ST18: variants seen among roughly 807,000 people sequenced by gnomAD.
The protein encoded by ST18 is ST18 C2H2C-type zinc finger transcription factor, also known as suppression of tumorigenicity 18 protein.
A neutral mutation model predicts 110.0 loss-of-function variants in ST18; 50 were observed. The observed-to-expected ratio is 0.45, with a 90% CI of 0.36 to 0.58. The LOEUF (loss-of-function observed/expected upper bound fraction) is 0.58. Among genes scored for constraint, ST18 ranks in the 20% least tolerant of loss-of-function variants. The pLI, the probability that ST18 is intolerant of heterozygous loss-of-function variation, is 0.00. For synonymous variants in ST18, 461 were observed against 452.4 expected, an observed-to-expected ratio of 1.02 and a Z score of -0.24; for missense variants, 1,306 against 1,280.1, an observed-to-expected ratio of 1.02 and a Z score of -0.31.
chr8:52,150,511 T>G (rs1360069552), intron 15 of ST18, among the ~76,000 whole-genome samples: 2 of 152,204 alleles, frequency 1.3e-5, no homozygotes, highest in East Asian at 3.8e-4. Context: ...AATATTAAAC[T>G]AATATAAAAG....
At chr8:52,171,569 C>CT (rs1452218800) in intron 10 of ST18, 2 of 648,662 alleles carry the variant, frequency 3.1e-6, no homozygotes, top group Non-Finnish European at 5.6e-6. Flanking sequence ...TTCAATGAAC[C>CT]TTTTTTCATG....
chr8:52,170,654 G>A (rs575297628), intron 10 of ST18, among the ~76,000 whole-genome samples: 4 of 152,096 alleles, frequency 2.6e-5, no homozygotes, highest in African/African-American at 9.6e-5. Flanking sequence ...AGTGCACAGA[G>A]CTAGATACAG....
At chr8:52,201,659 A>G (rs1047648677) in intron 8 of ST18, among the ~76,000 whole-genome samples, 2 of 152,084 alleles carry the variant, frequency 1.3e-5, no homozygotes, top group African/African-American at 2.4e-5. Flanking sequence ...CTTCGTCCCA[A>G]TCTACACCAT....
At chr8:52,288,093 C>T (rs2095497461) in intron 2 of ST18, among the ~76,000 whole-genome samples, 2 of 152,154 alleles carry the variant, frequency 1.3e-5, no homozygotes, top group African/African-American at 4.8e-5. Context: ...AGAACCGAAG[C>T]TAAATGCCTA....
At chr8:52,402,995 C>T (rs999329044) in intron 2 of ST18, among the ~76,000 whole-genome samples, 3 of 152,188 alleles carry the variant, frequency 2.0e-5, no homozygotes, top group African/African-American at 4.8e-5. Flanking sequence ...AACTGCTCCC[C>T]TAGACCAAAG....
At chr8:52,232,705 A>G (rs2091760718) in intron 2 of ST18, among the ~76,000 whole-genome samples, 1 of 152,140 alleles carries the variant, frequency 6.6e-6, no homozygotes, top group Admixed American at 6.5e-5. Context: ...AAGCTTTTAC[A>G]AGGGTATTTT....
intron 22 of ST18, among the ~76,000 whole-genome samples, chr8:52,130,139 G>GAAAGAAAGAA (rs2048884184): frequency 2.0e-5 from 3 of 148,924 alleles, no homozygotes; most frequent in East Asian, 3.9e-4. Context: ...AAGAAAGAAA[G>GAAAGAAAGAA]AAAGAAAGAA....
At chr8:52,164,176 C>T in intron 12 of ST18, 86 bp from the exon 13 acceptor site, 1 of 1,084,432 alleles carries the variant, frequency 9.2e-7, no homozygotes, top group Non-Finnish European at 1.4e-6. Flanking sequence ...ACACTTGGCA[C>T]ACACTAAATG....
At position 52,218,388 on chromosome 8, in the gene ST18, C is replaced by CT. The variant is rs377312658; in HGVS notation, c.-156-488dup. ...ATGCAGGTAGCTACTCTTTTTTTTT[C>CT]TTTTTTTTTTTGAGATGAGGTTTTG... On this transcript the variant is annotated intron_variant, in intron 5 of 25. Coordinates refer to ENST00000689386, the MANE Select transcript of ST18 (RefSeq NM_001352837.2). Among the ~76,000 whole-genome samples the CT allele has an allele frequency of 5.4e-4, 77 of 141,882 alleles. 1 individual carries two copies. Among genetic ancestry groups the CT allele is most frequent in the Middle Eastern group, 6.9e-3 (2 of 288 alleles). 93.1% of individuals were successfully genotyped at this position (141,882 alleles called of 152,430 possible).
At chr8:52,332,484 C>T (rs956419472) in intron 2 of ST18, among the ~76,000 whole-genome samples, 1 of 143,522 alleles carries the variant, frequency 7.0e-6, no homozygotes, top group African/African-American at 2.5e-5. Context: ...CTATAGAAGG[C>T]ATGTTAAAGA....
intron 2 of ST18, among the ~76,000 whole-genome samples, chr8:52,335,393 T>C (rs1811569492): frequency 2.0e-5 from 3 of 152,298 alleles, no homozygotes; most frequent in East Asian, 1.9e-4. Flanking sequence ...CCCAAGGGAA[T>C]ACAGGTGAAT....
At chr8:52,278,468 T>C (rs1198193833) in intron 2 of ST18, among the ~76,000 whole-genome samples, 2 of 152,238 alleles carry the variant, frequency 1.3e-5, no homozygotes, top group Non-Finnish European at 2.9e-5. Context: ...CCTGGAGCTC[T>C]GGTTTTAGCT....
intron 17 of ST18, among the ~76,000 whole-genome samples, chr8:52,141,459 C>A (rs768701813): frequency 5.3e-5 from 8 of 152,264 alleles, no homozygotes; most frequent in Non-Finnish European, 8.8e-5. Flanking sequence ...ATGACGCGGA[C>A]AAGGTAGAGA....
intron 6 of ST18, among the ~76,000 whole-genome samples, chr8:52,214,865 G>A (rs2083542236): frequency 6.6e-6 from 1 of 152,152 alleles, no homozygotes; most frequent in Admixed American, 6.5e-5. Context: ...AGTGATATAT[G>A]TGCCAGTGTC....
intron 18 of ST18, 35 bp downstream of exon 18, chr8:52,137,386 A>G (rs377031307): frequency 1.9e-6 from 3 of 1,611,078 alleles, no homozygotes; most frequent in Non-Finnish European, 2.5e-6. Flanking sequence ...GAACAAGACC[A>G]TGAAAATCTG....
intron 2 of ST18, among the ~76,000 whole-genome samples, chr8:52,297,533 T>C (rs746096452): frequency 1.3e-5 from 2 of 152,136 alleles, no homozygotes; most frequent in Non-Finnish European, 2.9e-5. Context: ...AAAAATAGTA[T>C]GTTTGCTCTG....
intron 2 of ST18, among the ~76,000 whole-genome samples, chr8:52,289,484 C>T (rs924542451): frequency 1.3e-5 from 2 of 152,098 alleles, no homozygotes; most frequent in African/African-American, 4.8e-5. Context: ...CAACAACCAC[C>T]TGGGTCTTTC....
intron 2 of ST18, among the ~76,000 whole-genome samples, chr8:52,276,155 C>CCACACAT (rs2095246401): frequency 1.2e-4 from 1 of 8,188 alleles, no homozygotes; most frequent in African/African-American, 4.4e-4. Context: ...GCACACCACG[C>CCACACAT]ACCACACATA....
At chr8:52,273,897 C>T (rs575747330) in intron 2 of ST18, among the ~76,000 whole-genome samples, 1 of 152,298 alleles carries the variant, frequency 6.6e-6, no homozygotes. Flanking sequence ...CAAGGCAATT[C>T]ATTAAAATCT....
Sources: allele counts gnomAD v4.1 joint callset (sites outside exome capture counted in the v4.1 genomes callset), GRCh38; gene constraint gnomAD v4.1.1; transcripts MANE v1.5; gene names NCBI Gene and HGNC (gene_info 2026-07-23, HGNC 2026-07-21).